CCSER1: variants seen among roughly 807,000 people sequenced by gnomAD.
CCSER1 encodes coiled-coil serine rich protein 1.
CCSER1 carries 41 observed loss-of-function variants against 82.0 expected under a neutral mutation model. The observed-to-expected ratio is 0.50, with a 90% confidence interval of 0.39 to 0.65. The LOEUF (loss-of-function observed/expected upper bound fraction) is 0.65. CCSER1 is among the 30% of genes least tolerant of loss of function. CCSER1 has a pLI of 0.00. For synonymous variants in CCSER1, 414 were observed against 383.9 expected, an observed-to-expected ratio of 1.08 and a Z score of -0.92; for missense variants, 1,119 against 1,064.2, an observed-to-expected ratio of 1.05 and a Z score of -0.72.
At chr4:90,978,182 G>A (rs1735782957) in intron 9 of CCSER1, among the ~76,000 whole-genome samples, 1 of 151,578 alleles carries the variant, frequency 6.6e-6, no homozygotes, top group South Asian at 2.1e-4. Context: ...CAACCAAACT[G>A]TGTGGGGACA....
At chr4:91,052,222 A>G (rs1320343613) in intron 9 of CCSER1, among the ~76,000 whole-genome samples, 1 of 152,092 alleles carries the variant, frequency 6.6e-6, no homozygotes, top group Non-Finnish European at 1.5e-5. Context: ...TTAAAATGGC[A>G]GAATTGATTA....
At chr4:91,085,832 G>T in intron 9 of CCSER1, 118 bp from the exon 10 acceptor site, 1 of 669,234 alleles carries the variant, frequency 1.5e-6, no homozygotes, top group Non-Finnish European at 2.6e-6. Context: ...TCTATATTCA[G>T]ATCTTCTTTG....
intron 10 of CCSER1, among the ~76,000 whole-genome samples, chr4:91,175,469 C>A (rs368525282): frequency 6.6e-6 from 1 of 152,108 alleles, no homozygotes; most frequent in Non-Finnish European, 1.5e-5. Flanking sequence ...TTTCTCCACA[C>A]CCTCTCCAGC....
intron 10 of CCSER1, among the ~76,000 whole-genome samples, chr4:91,210,437 A>T (rs115764081): frequency 2.1e-3 from 316 of 151,738 alleles, no homozygotes; most frequent in Non-Finnish European, 3.5e-3. Flanking sequence ...TTAATAAAAA[A>T]AGAGTTACAG....
chr4:91,385,582 A>C (rs1264262309), intron 10 of CCSER1, among the ~76,000 whole-genome samples: 3 of 151,962 alleles, frequency 2.0e-5, no homozygotes, highest in African/African-American at 7.2e-5. Context: ...CTGATAAGCC[A>C]GTGAACACAA....
At chr4:90,805,341 C>T (rs906495122) in intron 7 of CCSER1, among the ~76,000 whole-genome samples, 14 of 135,858 alleles carry the variant, frequency 1.0e-4, no homozygotes, top group African/African-American at 2.9e-4. Context: ...CATTCAACAC[C>T]GGTTGATGTT....
intron 7 of CCSER1, among the ~76,000 whole-genome samples, chr4:90,739,504 A>G (rs1361748314): frequency 2.6e-5 from 4 of 152,102 alleles, no homozygotes; most frequent in South Asian, 4.1e-4. Flanking sequence ...TCTTAGCTTC[A>G]TGGGCTCCAA....
At chr4:90,211,186 A>G (rs1739922134) in intron 1 of CCSER1, among the ~76,000 whole-genome samples, 1 of 152,236 alleles carries the variant, frequency 6.6e-6, no homozygotes, top group Non-Finnish European at 1.5e-5. Flanking sequence ...GAAGAATAAA[A>G]GCATTTGAAA....
chr4:91,543,920 C>T (rs1336771637), intron 10 of CCSER1, among the ~76,000 whole-genome samples: 1 of 152,100 alleles, frequency 6.6e-6, no homozygotes, highest in Admixed American at 6.5e-5. Flanking sequence ...CCATTCTTTC[C>T]GTCACTTTCA....
At chr4:90,294,089 A>G (rs192197599) in intron 1 of CCSER1, among the ~76,000 whole-genome samples, 1 of 152,102 alleles carries the variant, frequency 6.6e-6, no homozygotes, top group East Asian at 1.9e-4. Context: ...GAGGCAGGAA[A>G]TAGCTTGCAA....
intron 10 of CCSER1, among the ~76,000 whole-genome samples, chr4:91,509,022 A>G (rs912385670): frequency 2.6e-5 from 4 of 151,876 alleles, no homozygotes; most frequent in Non-Finnish European, 5.9e-5. Flanking sequence ...AGTCAATTTT[A>G]TTAATCTTTT....
At chr4:90,318,417 A>G (rs1406727186) in intron 3 of CCSER1, among the ~76,000 whole-genome samples, 1 of 152,144 alleles carries the variant, frequency 6.6e-6, no homozygotes, top group African/African-American at 2.4e-5. Flanking sequence ...GATTCAGACA[A>G]CTTTCATTTA....
chr4:90,428,904 ATGTGGTATACTGGC>A (rs544069665), intron 4 of CCSER1, among the ~76,000 whole-genome samples: 27 of 152,010 alleles, frequency 1.8e-4, no homozygotes, highest in African/African-American at 6.3e-4. Context: ...ACTGAATATA[ATGTGGTATACTGGC>A]TGACATCCTG....
intron 4 of CCSER1, among the ~76,000 whole-genome samples, chr4:90,464,596 A>G (rs1186118065): frequency 1.3e-5 from 2 of 152,230 alleles, no homozygotes; most frequent in Non-Finnish European, 2.9e-5. Flanking sequence ...CACTTCATGC[A>G]ATACATTAAC....
intron 3 of CCSER1, among the ~76,000 whole-genome samples, chr4:90,358,954 G>A (rs2153516819): frequency 6.6e-6 from 1 of 152,216 alleles, no homozygotes; most frequent in Middle Eastern, 3.4e-3. Flanking sequence ...AATATAGTTG[G>A]AGATATATTG....
At chr4:90,199,031 A>G (rs540972807) in intron 1 of CCSER1, among the ~76,000 whole-genome samples, 2 of 152,284 alleles carry the variant, frequency 1.3e-5, no homozygotes, top group African/African-American at 4.8e-5. Context: ...TGTCTGCTAT[A>G]CATTTTCAAG....
At chr4:91,197,189 A>G (rs1735510626) in intron 10 of CCSER1, among the ~76,000 whole-genome samples, 1 of 152,208 alleles carries the variant, frequency 6.6e-6, no homozygotes, top group African/African-American at 2.4e-5. Flanking sequence ...CCTCAGAACC[A>G]CACAACCTCT....
chr4:91,253,040 C>G (rs1740379772), intron 10 of CCSER1, among the ~76,000 whole-genome samples: 1 of 151,964 alleles, frequency 6.6e-6, no homozygotes, highest in African/African-American at 2.4e-5. Context: ...GGTGATCGAG[C>G]TACAGTTGAC....
intron 6 of CCSER1, among the ~76,000 whole-genome samples, chr4:90,665,309 A>T (rs779878974): frequency 6.7e-6 from 1 of 149,320 alleles, no homozygotes; most frequent in Non-Finnish European, 1.5e-5. Context: ...GGACTGAAAC[A>T]TATGCTGAGA....
Sources: gnomAD v4.1 joint callset for allele counts (sites outside exome capture counted in the v4.1 genomes callset) on GRCh38, gnomAD v4.1.1 for gene constraint, MANE v1.5 for transcripts, NCBI Gene and HGNC (gene_info 2026-07-23, HGNC 2026-07-21) for gene names.